CCDC175: variants seen among roughly 807,000 people sequenced by gnomAD.
CCDC175 encodes the protein coiled-coil domain-containing protein 175.
Under a neutral mutation model 114.6 loss-of-function variants are expected in CCDC175, and 100 were observed. That is an observed-to-expected ratio of 0.87 (90% confidence interval 0.74 to 1.03). The LOEUF (loss-of-function observed/expected upper bound fraction) is 1.03. Ranked by LOEUF, CCDC175 falls within the 50% of genes least tolerant of loss-of-function variation. CCDC175 has a pLI of 0.00. For synonymous variants in CCDC175, 306 were observed against 308.7 expected, an observed-to-expected ratio of 0.99 and a Z score of 0.09; for missense variants, 880 against 917.8, an observed-to-expected ratio of 0.96 and a Z score of 0.53.
chr14:59,556,164 G>A (rs1895887816), intron 7 of CCDC175, among the ~76,000 whole-genome samples: 1 of 152,124 alleles, frequency 6.6e-6, no homozygotes, highest in Admixed American at 6.6e-5. Context: ...TCAATCCTAA[G>A]CCAAAAGAAC....
intron 17 of CCDC175, among the ~76,000 whole-genome samples, chr14:59,514,476 C>T (rs1420899203): frequency 6.6e-6 from 1 of 152,072 alleles, no homozygotes; most frequent in African/African-American, 2.4e-5. Flanking sequence ...CTTAAAGGAC[C>T]TGATGGAGCT....
intron 6 of CCDC175, among the ~76,000 whole-genome samples, chr14:59,561,480 T>C (rs187028916): frequency 6.6e-6 from 1 of 152,292 alleles, no homozygotes. Context: ...ATGTGAAAAC[T>C]GTTTTTACAA....
At chr14:59,551,693 A>T (rs1386316082) in intron 7 of CCDC175, among the ~76,000 whole-genome samples, 1 of 152,244 alleles carries the variant, frequency 6.6e-6, no homozygotes, top group Non-Finnish European at 1.5e-5. Context: ...AGGAAGCACA[A>T]GGGGTAAGGG....
intron 17 of CCDC175, among the ~76,000 whole-genome samples, chr14:59,519,174 G>A (rs546825234): frequency 1.3e-5 from 2 of 152,146 alleles, no homozygotes; most frequent in Admixed American, 1.3e-4. Flanking sequence ...GTTGTCGGTG[G>A]GTTATGAGGG....
At chr14:59,522,286 A>G (rs1893465023) in intron 16 of CCDC175, among the ~76,000 whole-genome samples, 1 of 152,238 alleles carries the variant, frequency 6.6e-6, no homozygotes, top group Non-Finnish European at 1.5e-5. Flanking sequence ...AAAGAAACAA[A>G]TACTATAAAC....
intron 13 of CCDC175, among the ~76,000 whole-genome samples, chr14:59,533,248 C>CTGG (rs1894173517): frequency 6.6e-6 from 1 of 152,208 alleles, no homozygotes; most frequent in South Asian, 2.1e-4. Context: ...CCACCAAACC[C>CTGG]AGGGAAGCCC....
Position 59,561,163 on chromosome 14 carries a change from C to T in CCDC175, c.909G>A (p.Glu303=), listed in dbSNP as rs1886026864. The change falls in exon 7 of 20, where the codon GAG becomes GAA. Residue 303 remains glutamate (E), a synonymous_variant. Transcript: ENST00000537690. ...LHESIRYWEQ[E]VSELKKDLAI... is the part of the protein sequence containing the mutation. ...CAAGGTCTTTCTTTAGCTCACTGAC[C>T]TCTTGTTCCCAATACCTTATTGATT... 2.6e-6 allele frequency: 4 copies of T among 1,535,570 alleles called. No individual in the cohort carries two copies. Among genetic ancestry groups the T allele is most frequent in the Non-Finnish European group, 3.5e-6 (4 of 1,145,660 alleles).
In CCDC175 at chr14:59,527,082, A is replaced by G; in HGVS notation, c.1842+13T>C. On this transcript the variant is annotated intron_variant, in intron 15 of 19. Transcript: ENST00000537690. ...TAATAATAAAAAAAAGAATTAATGCATTGATCTTTTACCATGTTGCTAATG... is the reference window on the plus strand; with the variant it reads ...TAATAATAAAAAAAAGAATTAATGCGTTGATCTTTTACCATGTTGCTAATG... 7.5e-7 allele frequency: 1 copy of G among 1,330,164 alleles called. No homozygotes were observed. The highest frequency in any genetic ancestry group is 1.0e-6 in the Non-Finnish European group (1 of 997,994). 82.4% of individuals were successfully genotyped at this position (1,330,164 alleles called of 1,614,324 possible). A position where few individuals can be genotyped will look rare whatever the true frequency, so the allele number is the denominator to read the frequency against.
In CCDC175 at chr14:59,506,198, G is replaced by A. The variant is rs762315046; in HGVS notation, c.2306-883C>T. On this transcript the variant is annotated intron_variant, in intron 19 of 19. Transcript: ENST00000537690. ...AGACTATTGCACATTGAAGCCATCT[G>A]GAGAGATTTAAAAAAATAATGCCTG... is the stretch of plus-strand genomic sequence containing the variant. Among the ~76,000 whole-genome samples the A allele has an allele frequency of 2.0e-5, 3 of 151,744 alleles. No homozygotes were observed. In the East Asian group the frequency reaches 5.8e-4, roughly 29 times the overall value.
chr14:59,515,821 C>A (rs934496838), intron 17 of CCDC175, among the ~76,000 whole-genome samples: 3 of 152,040 alleles, frequency 2.0e-5, no homozygotes, highest in African/African-American at 7.2e-5. Context: ...GCAGACCTAA[C>A]AGACATCTAC....
intron 15 of CCDC175, among the ~76,000 whole-genome samples, 183 bp from the exon 16 acceptor site, chr14:59,525,617 G>C (rs964499390): frequency 6.6e-6 from 1 of 152,052 alleles, no homozygotes; most frequent in Non-Finnish European, 1.5e-5. Context: ...CTCTAGGAAG[G>C]GGGTCTGTGG....
chr14:59,528,292 T>C (rs1893866170), intron 14 of CCDC175, among the ~76,000 whole-genome samples: 1 of 152,174 alleles, frequency 6.6e-6, no homozygotes, highest in African/African-American at 2.4e-5. Context: ...TTTCCATTTT[T>C]CCTTCTGAAA....
chr14:59,513,837 G>T lies in CCDC175; in HGVS notation c.2099-2034C>A, dbSNP rs187056700. Among the ~76,000 whole-genome samples, 7 of 152,318 alleles carry T rather than the reference G, an allele frequency of 4.6e-5. No homozygotes were observed. In the East Asian group the frequency reaches 1.2e-3, roughly 25 times the overall value. ...AGAGTAGAGGTTCTCCTAGCACGCA[G>T]CTGGAGATCTGAGAATGGACAGACT... On this transcript the variant is annotated intron_variant, in intron 17 of 19. Coordinates refer to ENST00000537690, the MANE Select transcript of CCDC175 (RefSeq NM_001164399.2).
intron 7 of CCDC175, among the ~76,000 whole-genome samples, chr14:59,552,067 G>A (rs1362094810): frequency 5.3e-5 from 8 of 152,242 alleles, no homozygotes; most frequent in Admixed American, 4.6e-4. Context: ...ACAAAAGGCA[G>A]CAGAAACCTC....
At chr14:59,573,621 T>TGG (rs1566643136) in intron 2 of CCDC175, among the ~76,000 whole-genome samples, 1 of 142,360 alleles carries the variant, frequency 7.0e-6, no homozygotes, top group African/African-American at 2.6e-5. Context: ...TTTTTTTGTT[T>TGG]TTTTTTTTTT....
At chr14:59,546,976 G>A (rs1186348945) in intron 8 of CCDC175, among the ~76,000 whole-genome samples, 3 of 152,026 alleles carry the variant, frequency 2.0e-5, no homozygotes, top group African/African-American at 4.8e-5. Flanking sequence ...GTGGTGGCTC[G>A]TGCCTGTAAT....
intron 8 of CCDC175, among the ~76,000 whole-genome samples, chr14:59,547,201 T>G (rs1312066650): frequency 6.6e-6 from 1 of 152,168 alleles, no homozygotes; most frequent in Admixed American, 6.5e-5. Context: ...CACATCATAG[T>G]GCAACTGAAC....
intron 3 of CCDC175, among the ~76,000 whole-genome samples, chr14:59,570,870 CG>C (rs1418657493): frequency 6.6e-6 from 1 of 152,130 alleles, no homozygotes; most frequent in East Asian, 1.9e-4. Flanking sequence ...TCCTGAGTAG[CG>C]GGGACTACAG....
At chr14:59,575,340 G>A (rs1418247975) in intron 1 of CCDC175, among the ~76,000 whole-genome samples, 1 of 152,084 alleles carries the variant, frequency 6.6e-6, no homozygotes, top group Non-Finnish European at 1.5e-5. Context: ...GACATTAACA[G>A]AAAAATGTAT....
Sources: allele counts gnomAD v4.1 joint callset (sites outside exome capture counted in the v4.1 genomes callset), GRCh38; gene constraint gnomAD v4.1.1; transcripts MANE v1.5; gene names NCBI Gene and HGNC (gene_info 2026-07-23, HGNC 2026-07-21).